Variants in PRRC2B observed in about 807,000 individuals in gnomAD.
The protein encoded by PRRC2B is protein PRRC2B.
PRRC2B carries 68 observed loss-of-function variants against 242.3 expected under a neutral mutation model. The ratio of observed to expected loss-of-function variants is 0.28; its 90% CI spans 0.23 to 0.34. The LOEUF is 0.34. Ranked by LOEUF, PRRC2B falls within the 10% of genes least tolerant of loss-of-function variation. The pLI is 1.00. For missense variants in PRRC2B, 2,835 were observed against 2,954.8 expected, an observed-to-expected ratio of 0.96 and a Z score of 0.94; for synonymous variants, 1,228 against 1,173.6, an observed-to-expected ratio of 1.05 and a Z score of -0.95.
chr9:131,492,161 CT>C lies in PRRC2B; in HGVS notation c.6382-7del, dbSNP rs755228763. 1.7e-5 allele frequency: 28 copies of C among 1,611,604 alleles called. No individual in the cohort carries two copies. The highest frequency in any genetic ancestry group is 2.4e-5 in the Non-Finnish European group (28 of 1,177,862). On this transcript the variant is annotated splice_region_variant and splice_polypyrimidine_tract_variant and intron_variant, in intron 29 of 31. Transcript: ENST00000683519. ...AAATGACAGCTTGTTCCTGCTTGGT[CT>C]CTCTAGCCCTCTCAGATGGAGATGA...
At chr9:131,427,074 C>T (rs546222100) in intron 1 of PRRC2B, among the ~76,000 whole-genome samples, 4 of 152,180 alleles carry the variant, frequency 2.6e-5, no homozygotes, top group Non-Finnish European at 4.4e-5. Context: ...GACGTAGGAC[C>T]GCTTATCCCT....
intron 23 of PRRC2B, 70 bp from the exon 24 acceptor site, chr9:131,484,616 A>T: frequency 7.9e-7 from 1 of 1,259,860 alleles, no homozygotes; most frequent in Non-Finnish European, 1.1e-6. Flanking sequence ...CAGGAGAGCC[A>T]TGGATGGGTT....
At chr9:131,394,588 C>T (rs1001456470) in intron 1 of PRRC2B, among the ~76,000 whole-genome samples, 1 of 150,906 alleles carries the variant, frequency 6.6e-6, no homozygotes, top group African/African-American at 2.4e-5. Context: ...CCCCCGTACC[C>T]CCGAGGCCGG....
intron 1 of PRRC2B, among the ~76,000 whole-genome samples, chr9:131,411,620 G>A (rs1315427525): frequency 6.6e-6 from 1 of 152,086 alleles, no homozygotes; most frequent in Admixed American, 6.6e-5. Flanking sequence ...TGAGATTACA[G>A]GCATGAGCCA....
Position 131,495,843 on chromosome 9 carries a change from G to C in PRRC2B, c.6659G>C (p.Arg2220Pro), listed in dbSNP as rs780735349. ...QMKRTGAIKP[R>P]AVKVEESKA ...AAGCGAACCGGAGCGATCAAGCCTCGGGCTGTCAAAGTGGAGGAGAGTAAG... is the reference window on the plus strand; with the variant it reads ...AAGCGAACCGGAGCGATCAAGCCTCCGGCTGTCAAAGTGGAGGAGAGTAAG... Residue 2220 changes from arginine (R) to proline (P), a missense_variant, in exon 32 of 32, where the codon CGG becomes CCG. By Grantham distance (103) the Arg-to-Pro change is moderately radical. This residue lies in a region of PRRC2B where 574 missense variants were observed against 626.0 expected (regional missense o/e 0.92). Coordinates refer to ENST00000683519, the MANE Select transcript of PRRC2B (RefSeq NM_013318.4). The C allele has an allele frequency of 1.9e-6, 3 of 1,610,530 alleles. No homozygotes were observed. The highest frequency in any genetic ancestry group is 2.2e-5 in the South Asian group (2 of 91,010).
At chr9:131,404,517 C>T (rs750338529) in intron 1 of PRRC2B, among the ~76,000 whole-genome samples, 1 of 151,662 alleles carries the variant, frequency 6.6e-6, no homozygotes, top group African/African-American at 2.4e-5. Context: ...CCACTGCACC[C>T]GGCCCCCAGT....
At chr9:131,484,650 G>GT in intron 23 of PRRC2B, 36 bp from the exon 24 acceptor site, 2 of 1,544,552 alleles carry the variant, frequency 1.3e-6, no homozygotes, top group Non-Finnish European at 1.8e-6. Flanking sequence ...CTCTGCACCT[G>GT]TTTGTGTTCC....
intron 9 of PRRC2B, among the ~76,000 whole-genome samples, chr9:131,449,158 T>A (rs1472829282): frequency 6.6e-6 from 1 of 152,238 alleles, no homozygotes; most frequent in Non-Finnish European, 1.5e-5. Flanking sequence ...CTGTAATTTG[T>A]TTATTCATTC....
Position 131,482,951 on chromosome 9 carries a change from A to C in PRRC2B, c.5373+44A>C, listed in dbSNP as rs770241352. ...TTCTTGCTTGCTTTTTTTACTTTTT[A>C]TTTTGGTACTTGGAGAGGCTGGGGG... On this transcript the variant is annotated intron_variant, in intron 22 of 31. Coordinates refer to ENST00000683519, the MANE Select transcript of PRRC2B (RefSeq NM_013318.4). The surrounding 1 kb of genome is among the most constrained non-coding windows in gnomAD (Gnocchi z 5.2). 1.3e-6 allele frequency: 2 copies of C among 1,556,940 alleles called. No homozygotes were observed. Among genetic ancestry groups the C allele is most frequent in the Non-Finnish European group, 1.7e-6 (2 of 1,149,518 alleles).
intron 25 of PRRC2B, 113 bp downstream of exon 25, chr9:131,485,253 G>A: frequency 1.1e-6 from 1 of 888,750 alleles, no homozygotes; most frequent in South Asian, 1.8e-5. Context: ...GCATGTAGAA[G>A]TAGCAACTTG....
At position 131,435,725 on chromosome 9, in the gene PRRC2B, T is replaced by C. The variant is rs1838341242; in HGVS notation, c.294-895T>C. On this transcript the variant is annotated intron_variant, in intron 3 of 31. Transcript: ENST00000683519. ...GGTTAAATTATGACCTGTCTAGTTG[T>C]GTTGTGTGCTCATTAAAAGCAAAAG... Among the ~76,000 whole-genome samples, 7 of 152,194 alleles carry C rather than the reference T, an allele frequency of 4.6e-5. No individual in the cohort carries two copies. The South Asian group carries it at 1.5e-3, about 32-fold the overall frequency.
At chr9:131,387,634 G>C (rs1836842606) in intron 1 of PRRC2B, among the ~76,000 whole-genome samples, 1 of 149,420 alleles carries the variant, frequency 6.7e-6, no homozygotes, top group Non-Finnish European at 1.5e-5. Context: ...TGCCTCTCAC[G>C]GTACTGTCAT....
chr9:131,487,439 T>C lies in PRRC2B; in HGVS notation c.5984+145T>C. The C allele has an allele frequency of 1.2e-6, 1 of 816,976 alleles. No individual in the cohort carries two copies. Among genetic ancestry groups the C allele is most frequent in the Non-Finnish European group, 1.9e-6 (1 of 534,844 alleles). The allele number at this position is 816,976 out of a possible 1,614,324, so 50.6% of individuals were successfully genotyped here. ...GGGGTGGGAGTTTGCTCTGAATCAC[T>C]CTTCAGTCCGTTGTTAACTGTGCTC... On this transcript the variant is annotated intron_variant, in intron 27 of 31. Transcript: ENST00000683519. The surrounding 1 kb of genome is among the most constrained non-coding windows in gnomAD (Gnocchi z 5.3).
intron 1 of PRRC2B, among the ~76,000 whole-genome samples, chr9:131,408,721 CTT>C (rs554150264): frequency 7.7e-5 from 11 of 143,674 alleles, no homozygotes; most frequent in Admixed American, 1.4e-4. Context: ...ACATTAGTAT[CTT>C]TTTTTTTTTT....
chr9:131,481,895 C>A, intron 20 of PRRC2B, 87 bp downstream of exon 20: 1 of 1,202,950 alleles, frequency 8.3e-7, no homozygotes. Context: ...TGCTGTGGCC[C>A]ACCCAAGCCC....
rs570044358 is a variant in PRRC2B at position 131,446,088 on chromosome 9, G to T, written c.614-313G>T. Among the ~76,000 whole-genome samples, 1 of 152,186 alleles carries T rather than the reference G, an allele frequency of 6.6e-6. No individual in the cohort carries two copies. Among genetic ancestry groups the T allele is most frequent in the South Asian group, 2.1e-4 (1 of 4,830 alleles). ...GAATGACCCAAGGCTGGTTTCATCAGGGCCATCTTCATCTCTCTGGGTTGT... is the reference window on the plus strand; with the variant it reads ...GAATGACCCAAGGCTGGTTTCATCATGGCCATCTTCATCTCTCTGGGTTGT... On this transcript the variant is annotated intron_variant, in intron 6 of 31. Transcript: ENST00000683519. This position sits in a 1 kb window ranked among gnomAD's most constrained non-coding sequence, Gnocchi z 4.1.
intron 1 of PRRC2B, among the ~76,000 whole-genome samples, chr9:131,429,857 G>A (rs1389373414): frequency 1.3e-5 from 2 of 152,046 alleles, no homozygotes; most frequent in African/African-American, 2.4e-5. Context: ...TGGGGGTTGG[G>A]GGGGTACTCC....
At chr9:131,463,420 T>C (rs1374989617) in intron 11 of PRRC2B, among the ~76,000 whole-genome samples, 1 of 152,106 alleles carries the variant, frequency 6.6e-6, no homozygotes, top group Non-Finnish European at 1.5e-5. Flanking sequence ...GCATTCAAAA[T>C]AGGAAGTTCT....
intron 1 of PRRC2B, among the ~76,000 whole-genome samples, chr9:131,394,747 G>T (rs541167793): frequency 6.6e-6 from 1 of 151,844 alleles, no homozygotes; most frequent in Non-Finnish European, 1.5e-5. Flanking sequence ...CTTGGGTCCG[G>T]GGCGCTGAGC....
Sources: allele counts gnomAD v4.1 joint callset (sites outside exome capture counted in the v4.1 genomes callset), GRCh38; gene constraint gnomAD v4.1.1; regional missense constraint gnomAD v4.1.1; non-coding constraint Gnocchi (gnomAD v3.1); transcripts MANE v1.5; gene names NCBI Gene and HGNC (gene_info 2026-07-23, HGNC 2026-07-21).